KLRG2: variants seen among roughly 807,000 people sequenced by gnomAD.
KLRG2 encodes killer cell lectin like receptor G2.
A neutral mutation model predicts 35.4 loss-of-function variants in KLRG2; 39 were observed. That is an observed-to-expected ratio of 1.10 (90% CI 0.85 to 1.44). The LOEUF is 1.44. Ranked by LOEUF, KLRG2 falls within the 40% of genes most tolerant of loss-of-function variation. KLRG2 has a pLI of 0.00. For synonymous variants in KLRG2, 283 were observed against 265.8 expected (o/e 1.06, Z -0.63); for missense variants, 632 against 570.9 (o/e 1.11, Z -1.09).
At chr7:139,432,719 A>G in the KLRG2 span, among the ~76,000 whole-genome samples, 37 of 152,116 alleles carry the variant, frequency 2.4e-4, no homozygotes, top group Non-Finnish European at 4.4e-4. Flanking sequence ...CACATAACCT[A>G]TGCATATCAT....
the KLRG2 span, among the ~76,000 whole-genome samples, chr7:139,442,713 G>A: frequency 2.0e-5 from 3 of 152,102 alleles, no homozygotes; most frequent in East Asian, 3.9e-4. Context: ...CAGGCATTGT[G>A]GCACACACCT....
At chr7:139,458,685 C>G (rs1796517866) in intron 3 of KLRG2, among the ~76,000 whole-genome samples, 1 of 152,198 alleles carries the variant, frequency 6.6e-6, no homozygotes, top group African/African-American at 2.4e-5. Context: ...ATGGTTTAAT[C>G]TTTTTGAAAT....
At chr7:139,454,828 T>TA (rs1017677344) in intron 3 of KLRG2, among the ~76,000 whole-genome samples, 2 of 60,566 alleles carry the variant, frequency 3.3e-5, no homozygotes, top group African/African-American at 3.3e-4. Context: ...AAAATAATAA[T>TA]AATAATAATA....
chr7:139,454,994 A>C (rs1005201071), intron 3 of KLRG2, among the ~76,000 whole-genome samples: 6 of 151,554 alleles, frequency 4.0e-5, no homozygotes, highest in Admixed American at 3.9e-4. Context: ...TAAAGCAAAA[A>C]AGACAATGTT....
At chr7:139,463,343 CACA>C (rs1341177177) in intron 3 of KLRG2, among the ~76,000 whole-genome samples, 3 of 152,172 alleles carry the variant, frequency 2.0e-5, no homozygotes, top group Admixed American at 6.5e-5. Context: ...CCTCAAACCC[CACA>C]ACAAGACTTA....
At chr7:139,427,858 G>A in the KLRG2 span, among the ~76,000 whole-genome samples, 1 of 152,098 alleles carries the variant, frequency 6.6e-6, no homozygotes, top group Non-Finnish European at 1.5e-5. Flanking sequence ...TAACTCACAC[G>A]ATCTCATTTG....
chr7:139,480,323 G>A, intron 1 of KLRG2, 76 bp from the exon 2 acceptor site: 1 of 781,202 alleles, frequency 1.3e-6, no homozygotes, highest in South Asian at 1.4e-5. Flanking sequence ...CACAGACACA[G>A]CACACCAGCA....
downstream of KLRG2, among the ~76,000 whole-genome samples, chr7:139,450,221 T>G (rs28615941): frequency 1.5e-5 from 1 of 68,060 alleles, no homozygotes; most frequent in African/African-American, 2.6e-4. Flanking sequence ...GTTTGTTTTT[T>G]TTTTTGTTTT....
intron 1 of KLRG2, among the ~76,000 whole-genome samples, chr7:139,482,111 C>T (rs1585180005): frequency 6.6e-6 from 1 of 152,304 alleles, no homozygotes; most frequent in East Asian, 1.9e-4. Flanking sequence ...ACTACTGGCA[C>T]ATCTACCCTG....
chr7:139,432,543 G>GA, the KLRG2 span, among the ~76,000 whole-genome samples: 1 of 108,876 alleles, frequency 9.2e-6, no homozygotes, highest in African/African-American at 5.2e-5. Flanking sequence ...TTGATTGCAG[G>GA]ACCCCCCCCC....
chr7:139,447,468 T>C, the KLRG2 span, among the ~76,000 whole-genome samples: 1 of 151,404 alleles, frequency 6.6e-6, no homozygotes, highest in African/African-American at 2.4e-5. Flanking sequence ...TGGTACGATC[T>C]CAGCTCACTG....
chr7:139,483,645 C>A lies in KLRG2; in HGVS notation c.-3G>T. 1 of 1,498,500 alleles carries A rather than the reference C, an allele frequency of 6.7e-7. No homozygotes were observed. Among genetic ancestry groups the A allele is most frequent in the South Asian group, 1.3e-5 (1 of 78,196 alleles). The allele number at this position is 1,498,500 out of a possible 1,614,324, so 92.8% of individuals were successfully genotyped here. Reference sequence around the variant, plus strand: ...GCAGCCTCCCAAGACTCCTCCATCCCGCGCGCCCCGCCACCCGGAGACGCT... The same window carrying A: ...GCAGCCTCCCAAGACTCCTCCATCCAGCGCGCCCCGCCACCCGGAGACGCT... On this transcript the variant is annotated 5_prime_UTR_variant, in exon 1 of 5. Transcript: ENST00000340940.
At chr7:139,442,777 C>T in the KLRG2 span, among the ~76,000 whole-genome samples, 1 of 152,120 alleles carries the variant, frequency 6.6e-6, no homozygotes, top group Non-Finnish European at 1.5e-5. Flanking sequence ...CATAGTGAGT[C>T]AGTATCATGC....
At chr7:139,435,256 G>A in the KLRG2 span, among the ~76,000 whole-genome samples, 20 of 152,296 alleles carry the variant, frequency 1.3e-4, no homozygotes, top group African/African-American at 4.6e-4. Flanking sequence ...TTGGGAGGCC[G>A]AGGGGAGTGG....
At chr7:139,461,254 A>AG (rs1162213485) in intron 3 of KLRG2, among the ~76,000 whole-genome samples, 3 of 151,966 alleles carry the variant, frequency 2.0e-5, no homozygotes, top group South Asian at 2.1e-4. Context: ...CTAAAAAAAA[A>AG]AGAGAGAGAG....
At chr7:139,474,014 C>CT (rs751172556) in intron 3 of KLRG2, among the ~76,000 whole-genome samples, 4,918 of 129,868 alleles carry the variant, frequency 0.038, 334 homozygotes, top group African/African-American at 0.12. Flanking sequence ...GTGGCTCAGA[C>CT]TTTTTTTTTT....
Position 139,453,300 on chromosome 7 carries a change from G to A in KLRG2, c.*287C>T, listed in dbSNP as rs1405234283. On this transcript the variant is annotated 3_prime_UTR_variant, in exon 5 of 5. Coordinates refer to ENST00000340940, the MANE Select transcript of KLRG2 (RefSeq NM_198508.4). ...AAATTGTCATTTTAATGAAACCAAG[G>A]CACAGAAATGCTAAACAACCATCCC... 5 of 487,488 alleles carry A rather than the reference G, an allele frequency of 1.0e-5. No individual in the cohort carries two copies. The highest frequency in any genetic ancestry group is 5.0e-4 in the Middle Eastern group (1 of 1,986). 30.2% of individuals were successfully genotyped at this position (487,488 alleles called of 1,614,324 possible).
chr7:139,459,517 C>T (rs998834955), intron 3 of KLRG2, among the ~76,000 whole-genome samples: 6 of 152,168 alleles, frequency 3.9e-5, no homozygotes, highest in Non-Finnish European at 5.9e-5. Flanking sequence ...TCGTTTGGTA[C>T]AGGAGCCTGG....
chr7:139,455,579 T>C (rs1169009839), intron 3 of KLRG2, among the ~76,000 whole-genome samples: 1 of 150,620 alleles, frequency 6.6e-6, no homozygotes, highest in Non-Finnish European at 1.5e-5. Flanking sequence ...CCTCGGCCTC[T>C]CAAAGTGCTG....
Sources: gnomAD v4.1 joint callset for allele counts (sites outside exome capture counted in the v4.1 genomes callset) on GRCh38, gnomAD v4.1.1 for gene constraint, MANE v1.5 for transcripts, NCBI Gene and HGNC (gene_info 2026-07-23, HGNC 2026-07-21) for gene names.